The following ZNF469 variants were observed in gnomAD, a reference collection of about 807,000 sequenced individuals.
ZNF469 encodes the protein zinc finger protein 469.
A neutral mutation model predicts 1.0 loss-of-function variants in ZNF469; 1 was observed. That is an observed-to-expected ratio of 1.00 (90% CI 0.35 to 4.73). ZNF469 has a LOEUF of 4.73. ZNF469 is among the 30% of genes most tolerant of loss of function. The probability of loss-of-function intolerance (pLI) is 0.16; values close to 1 mark genes in which losing one functional copy is unlikely to be tolerated. For synonymous variants in ZNF469, 2,703 were observed against 2,363.4 expected, an observed-to-expected ratio of 1.14 and a Z score of -4.17; for missense variants, 6,100 against 5,356.3, an observed-to-expected ratio of 1.14 and a Z score of -4.33.
the ZNF469 span, among the ~76,000 whole-genome samples, chr16:88,323,617 G>A: frequency 6.6e-6 from 1 of 152,118 alleles, no homozygotes; most frequent in Non-Finnish European, 1.5e-5. Flanking sequence ...CTTCCTCTTG[G>A]CAAAGCCAGG....
chr16:88,406,739 G>A (rs1257008527), intron 1 of ZNF469, among the ~76,000 whole-genome samples: 3 of 152,170 alleles, frequency 2.0e-5, no homozygotes, highest in Non-Finnish European at 2.9e-5. Context: ...GTGTGTGTGC[G>A]CCTGGGCATA....
the ZNF469 span, among the ~76,000 whole-genome samples, chr16:88,142,626 A>AG: frequency 6.6e-6 from 1 of 152,192 alleles, no homozygotes; most frequent in Admixed American, 6.5e-5. Flanking sequence ...GTGATGTGCC[A>AG]GGTGTGGCCC....
chr16:88,342,739 G>C, the ZNF469 span, among the ~76,000 whole-genome samples: 2 of 152,190 alleles, frequency 1.3e-5, no homozygotes, highest in Non-Finnish European at 2.9e-5. Flanking sequence ...TCTGTTCTGC[G>C]TTGGGCCAGG....
chr16:88,330,317 A>G, the ZNF469 span, among the ~76,000 whole-genome samples: 1 of 152,182 alleles, frequency 6.6e-6, no homozygotes, highest in Non-Finnish European at 1.5e-5. Context: ...TGCTGTGTGT[A>G]CTGTCGGATA....
chr16:88,430,714 C>A lies in ZNF469; in HGVS notation c.3244C>A (p.Pro1082Thr), dbSNP rs1395510710. The A allele has an allele frequency of 3.4e-6, 5 of 1,488,432 alleles. No homozygotes were observed. The highest frequency in any genetic ancestry group is 5.3e-5 in the East Asian group (2 of 37,644). The allele number at this position is 1,488,432 out of a possible 1,614,324, so 92.2% of individuals were successfully genotyped here. ...CGSLAAGRPR[P>T]GAEDRRLREY... is the part of the protein sequence containing the mutation. ...CTCCCTGGCGGCGGGGAGGCCCCGG[C>A]CCGGAGCTGAGGACCGCAGGCTCCG... Residue 1082 changes from proline (P) to threonine (T), a missense_variant, in exon 3 of 3, where the codon CCC (proline) becomes ACC (threonine). Physicochemically the swap from Pro to Thr is conservative, Grantham distance 38. Coordinates refer to ENST00000565624, the MANE Select transcript of ZNF469 (RefSeq NM_001367624.2).
At chr16:88,139,666 A>T in the ZNF469 span, among the ~76,000 whole-genome samples, 1 of 151,798 alleles carries the variant, frequency 6.6e-6, no homozygotes, top group Non-Finnish European at 1.5e-5. Context: ...CGTGATGAAG[A>T]AAATTGCTGT....
chr16:88,380,375 T>A (rs1227321107), upstream of ZNF469, among the ~76,000 whole-genome samples: 18 of 49,162 alleles, frequency 3.7e-4, no homozygotes, highest in East Asian at 1.8e-3. Flanking sequence ...AGACATGCAC[T>A]CACACGCACT....
chr16:88,150,891 G>A, the ZNF469 span, among the ~76,000 whole-genome samples: 4 of 152,152 alleles, frequency 2.6e-5, no homozygotes, highest in African/African-American at 4.8e-5. Flanking sequence ...CTCTCGCCAC[G>A]GTGGGGAAAC....
the ZNF469 span, among the ~76,000 whole-genome samples, chr16:88,126,406 G>T: frequency 2.0e-5 from 3 of 151,358 alleles, no homozygotes; most frequent in Non-Finnish European, 4.4e-5. Context: ...CACCATTAAG[G>T]ATGATGTTAG....
At chr16:88,117,983 C>T in the ZNF469 span, among the ~76,000 whole-genome samples, 1 of 152,254 alleles carries the variant, frequency 6.6e-6, no homozygotes, top group Non-Finnish European at 1.5e-5. Context: ...CGCTCTGTCG[C>T]CCAGGCTGGA....
At chr16:88,137,344 C>T in the ZNF469 span, among the ~76,000 whole-genome samples, 3 of 152,314 alleles carry the variant, frequency 2.0e-5, no homozygotes, top group South Asian at 2.1e-4. Context: ...TGCATACAGC[C>T]GTCTGTAACT....
At chr16:88,383,779 C>T (rs2092531279) in intron 1 of ZNF469, among the ~76,000 whole-genome samples, 1 of 152,062 alleles carries the variant, frequency 6.6e-6, no homozygotes, top group African/African-American at 2.4e-5. Context: ...TCGGCGGTGT[C>T]AGCGCCCCGG....
chr16:88,196,644 C>T, the ZNF469 span, among the ~76,000 whole-genome samples: 5 of 152,334 alleles, frequency 3.3e-5, no homozygotes, highest in South Asian at 4.1e-4. Flanking sequence ...TACAGGTTGG[C>T]TGCTGTGGGC....
At chr16:88,166,364 A>G in the ZNF469 span, among the ~76,000 whole-genome samples, 2 of 152,132 alleles carry the variant, frequency 1.3e-5, no homozygotes, top group Non-Finnish European at 2.9e-5. This position sits in a 1 kb window ranked among gnomAD's most constrained non-coding sequence, Gnocchi z 4.5. Flanking sequence ...GATTCACTCT[A>G]AATGGTTTTA....
At chr16:88,284,199 G>C in the ZNF469 span, among the ~76,000 whole-genome samples, 2 of 151,750 alleles carry the variant, frequency 1.3e-5, no homozygotes, top group South Asian at 4.2e-4. Flanking sequence ...AGCGGAGGCT[G>C]GTAGACCCTG....
the ZNF469 span, among the ~76,000 whole-genome samples, chr16:88,267,867 C>A: frequency 2.6e-5 from 4 of 152,178 alleles, no homozygotes; most frequent in African/African-American, 9.7e-5. Context: ...TGGGGTGGCA[C>A]TGCCGGGTCC....
the ZNF469 span, among the ~76,000 whole-genome samples, chr16:88,119,274 A>T: frequency 6.6e-6 from 1 of 152,118 alleles, no homozygotes; most frequent in Non-Finnish European, 1.5e-5. Flanking sequence ...CTATTTCATG[A>T]TCTCCTACAG....
At chr16:88,239,665 TTG>T in the ZNF469 span, among the ~76,000 whole-genome samples, 3 of 73,234 alleles carry the variant, frequency 4.1e-5, no homozygotes, top group South Asian at 1.3e-3. Flanking sequence ...TTTTTTTTTT[TTG>T]TATATATATA....
intron 1 of ZNF469, among the ~76,000 whole-genome samples, chr16:88,394,325 A>G (rs1188959880): frequency 1.4e-5 from 2 of 147,652 alleles, no homozygotes; most frequent in African/African-American, 2.5e-5. Context: ...AGAGGGGTGG[A>G]GTTTGAGCCA....
Sources: allele counts gnomAD v4.1 joint callset (sites outside exome capture counted in the v4.1 genomes callset), GRCh38; gene constraint gnomAD v4.1.1; non-coding constraint Gnocchi (gnomAD v3.1); transcripts MANE v1.5; gene names NCBI Gene and HGNC (gene_info 2026-07-23, HGNC 2026-07-21).